RASGEF1C: variants seen among roughly 807,000 people sequenced by gnomAD.
RASGEF1C encodes ras-GEF domain-containing family member 1C.
A neutral mutation model predicts 58.1 loss-of-function variants in RASGEF1C; 27 were observed. The ratio of observed to expected loss-of-function variants is 0.46; its 90% CI spans 0.34 to 0.64. RASGEF1C has a LOEUF of 0.64. RASGEF1C is among the 30% of genes least tolerant of loss of function. The pLI is 0.01. For synonymous variants in RASGEF1C, 243 were observed against 246.3 expected (o/e 0.99, Z 0.13); for missense variants, 502 against 605.1 (o/e 0.83, Z 1.79).
intron 12 of RASGEF1C, among the ~76,000 whole-genome samples, chr5:180,105,587 G>T (rs1765862840): frequency 6.6e-6 from 1 of 150,694 alleles, no homozygotes; most frequent in Non-Finnish European, 1.5e-5. Flanking sequence ...AGTAAAATAG[G>T]CTGGGCGCGG....
At chr5:180,146,023 C>T (rs1766656195) in intron 1 of RASGEF1C, among the ~76,000 whole-genome samples, 1 of 152,148 alleles carries the variant, frequency 6.6e-6, no homozygotes, top group Non-Finnish European at 1.5e-5. Context: ...TGATAGTGTC[C>T]TTTGAGGCAC....
chr5:180,178,904 T>TG lies in RASGEF1C; in HGVS notation c.-7+30123dup, dbSNP rs1032810279. ...AGCAGAAGGGACTGGAGAATGTTCT[T>TG]GGGGGGGGAGGGGCGCAGGTGCCAA... is the stretch of plus-strand genomic sequence containing the variant. On this transcript the variant is annotated intron_variant, in intron 1 of 13. Coordinates refer to ENST00000361132, the MANE Select transcript of RASGEF1C (RefSeq NM_175062.4). Among the ~76,000 whole-genome samples the TG allele has an allele frequency of 4.6e-4, 69 of 150,298 alleles. No homozygotes were observed. In the East Asian group the frequency reaches 6.5e-3, roughly 14 times the overall value.
chr5:180,127,776 C>T, intron 5 of RASGEF1C, 93 bp from the exon 6 acceptor site: 4 of 1,158,846 alleles, frequency 3.5e-6, no homozygotes, highest in Admixed American at 2.5e-5. Flanking sequence ...GCCCCTAGTC[C>T]TCCTCACAAC....
At chr5:180,131,705 C>T (rs983345105) in intron 4 of RASGEF1C, among the ~76,000 whole-genome samples, 9 of 152,222 alleles carry the variant, frequency 5.9e-5, no homozygotes, top group Non-Finnish European at 1.2e-4. Context: ...GACGCTCTCT[C>T]CAGCAGGGTG....
chr5:180,207,303 A>T (rs1419847019), intron 1 of RASGEF1C, among the ~76,000 whole-genome samples: 1 of 152,248 alleles, frequency 6.6e-6, no homozygotes, highest in Non-Finnish European at 1.5e-5. Flanking sequence ...CTGCAGGAGA[A>T]AGGGAAAGGA....
At chr5:180,111,429 A>G (rs1399018046) in intron 12 of RASGEF1C, 28 bp downstream of exon 12, 2 of 1,613,936 alleles carry the variant, frequency 1.2e-6, no homozygotes, top group Non-Finnish European at 1.7e-6. Context: ...GTGGCCCAGT[A>G]GGCAGGAGGG....
At chr5:180,126,413 G>GA (rs143507430) in intron 6 of RASGEF1C, among the ~76,000 whole-genome samples, 3,966 of 151,762 alleles carry the variant, frequency 0.026, 189 homozygotes, top group African/African-American at 0.091. Flanking sequence ...CTCAAAAAAA[G>GA]AAAAAAAATC....
chr5:180,128,445 A>G lies in RASGEF1C; in HGVS notation c.604T>C (p.Tyr202His). The G allele has an allele frequency of 6.2e-7, 1 of 1,613,882 alleles. No individual in the cohort carries two copies. Among genetic ancestry groups the G allele is most frequent in the Non-Finnish European group, 8.5e-7 (1 of 1,179,992 alleles). Residue 202 changes from tyrosine to histidine, a missense_variant, in exon 5 of 14, where the codon TAC becomes CAC. Physicochemically the swap from Tyr to His is moderately conservative, Grantham distance 83 (BLOSUM62 2). Coordinates refer to ENST00000361132, the MANE Select transcript of RASGEF1C (RefSeq NM_175062.4). ...RELLGVCSDP[Y>H]TLAQQLTHVE... The stretch of plus-strand genomic sequence containing the variant: ...TGGGTCAGCTGCTGGGCCAGTGTGT[A>G]GGGGTCGCTGCAGACACCAAGGAGC...
chr5:180,189,247 G>A (rs540598010), intron 1 of RASGEF1C, among the ~76,000 whole-genome samples: 1 of 152,366 alleles, frequency 6.6e-6, no homozygotes, highest in African/African-American at 2.4e-5. Context: ...TACAAGGGCT[G>A]TAGATGGAAA....
intron 1 of RASGEF1C, among the ~76,000 whole-genome samples, chr5:180,196,352 T>C (rs906224249): frequency 6.6e-6 from 1 of 151,924 alleles, no homozygotes; most frequent in Non-Finnish European, 1.5e-5. Flanking sequence ...ATATAAAAAA[T>C]TAGCCAGGTG....
intron 10 of RASGEF1C, among the ~76,000 whole-genome samples, chr5:180,118,283 A>G (rs1047879122): frequency 6.6e-5 from 10 of 152,040 alleles, no homozygotes; most frequent in African/African-American, 9.7e-5. Context: ...GACTCCGGAG[A>G]AGAGAGGAGA....
At chr5:180,170,651 T>C (rs978569819) in intron 1 of RASGEF1C, among the ~76,000 whole-genome samples, 3 of 152,132 alleles carry the variant, frequency 2.0e-5, no homozygotes, top group African/African-American at 7.2e-5. Flanking sequence ...CGGAGGTCCC[T>C]GTGGCAGTCA....
intron 4 of RASGEF1C, among the ~76,000 whole-genome samples, chr5:180,133,752 A>G (rs1167559360): frequency 6.6e-6 from 1 of 152,238 alleles, no homozygotes; most frequent in Non-Finnish European, 1.5e-5. Context: ...TGATGAGGAC[A>G]GAGGAGTGCA....
At chr5:180,196,332 T>C (rs909668554) in intron 1 of RASGEF1C, among the ~76,000 whole-genome samples, 2 of 151,968 alleles carry the variant, frequency 1.3e-5, no homozygotes, top group African/African-American at 4.8e-5. Context: ...AAACCCCATC[T>C]CTACCAAAAA....
intron 1 of RASGEF1C, among the ~76,000 whole-genome samples, chr5:180,160,485 G>C (rs142238575): frequency 3.5e-3 from 527 of 152,308 alleles, no homozygotes; most frequent in African/African-American, 0.012. Context: ...CCCACTTGGG[G>C]TCATTCCACC....
chr5:180,178,777 G>A (rs931062242), intron 1 of RASGEF1C, among the ~76,000 whole-genome samples: 8 of 152,160 alleles, frequency 5.3e-5, no homozygotes, highest in African/African-American at 1.9e-4. Context: ...TATTGGCCAT[G>A]AGACCCCGGG....
chr5:180,124,996 G>A (rs530796456), intron 6 of RASGEF1C, among the ~76,000 whole-genome samples: 15 of 152,090 alleles, frequency 9.9e-5, no homozygotes, highest in Non-Finnish European at 2.1e-4. Context: ...AGCCAGGTAT[G>A]GAGGCATGTG....
intron 5 of RASGEF1C, 52 bp from the exon 6 acceptor site, chr5:180,127,735 T>C (rs775228368): frequency 1.3e-6 from 2 of 1,548,234 alleles, no homozygotes; most frequent in Non-Finnish European, 1.8e-6. Context: ...GGGGAGGGGG[T>C]GTCCACTGGG....
intron 12 of RASGEF1C, among the ~76,000 whole-genome samples, chr5:180,103,101 GA>G (rs755793196): frequency 2.0e-5 from 3 of 151,322 alleles, no homozygotes; most frequent in Non-Finnish European, 2.9e-5. Context: ...TTTTGAGACA[GA>G]AGTCTCGCTC....
Sources: gnomAD v4.1 joint callset for allele counts (sites outside exome capture counted in the v4.1 genomes callset) on GRCh38, gnomAD v4.1.1 for gene constraint, MANE v1.5 for transcripts, NCBI Gene and HGNC (gene_info 2026-07-23, HGNC 2026-07-21) for gene names.